Variants in MYO7B observed in about 807,000 individuals in gnomAD.
The protein encoded by MYO7B is myosin VIIB.
Under a neutral mutation model 259.7 loss-of-function variants are expected in MYO7B, and 212 were observed. The ratio of observed to expected loss-of-function variants is 0.82; its 90% CI spans 0.73 to 0.91. MYO7B has a LOEUF of 0.91. Among genes scored for constraint, MYO7B ranks in the 40% least tolerant of loss-of-function variants. MYO7B has a pLI of 0.00. For synonymous variants in MYO7B, 1,197 were observed against 1,166.4 expected (o/e 1.03, Z -0.54); for missense variants, 2,732 against 2,813.5 (o/e 0.97, Z 0.66).
Position 127,584,702 on chromosome 2 carries a change from G to A in MYO7B, c.1555-76G>A. 5 of 1,554,718 alleles carry A rather than the reference G, an allele frequency of 3.2e-6. No individual in the cohort carries two copies. The South Asian group carries it at 4.7e-5, about 15-fold the overall frequency. On this transcript the variant is annotated intron_variant, in intron 13 of 47. Coordinates refer to ENST00000409816, the MANE Select transcript of MYO7B (RefSeq NM_001393586.1). The surrounding 1 kb of genome is among the most constrained non-coding windows in gnomAD (Gnocchi z 5.8). ...TGAGCCCAGATCTCTTTGCCTCCAT[G>A]AGGAAGTCCCTGAGCCTCACCTCCC...
intron 2 of MYO7B, among the ~76,000 whole-genome samples, chr2:127,560,370 C>G: frequency 6.6e-6 from 1 of 152,164 alleles, no homozygotes; most frequent in South Asian, 2.1e-4. Flanking sequence ...GGAGCTCCCC[C>G]AGAGAAAACA....
At chr2:127,623,089 G>A (rs1680917806) in intron 28 of MYO7B, 113 bp from the exon 29 acceptor site, 1 of 1,318,356 alleles carries the variant, frequency 7.6e-7, no homozygotes, top group Non-Finnish European at 1.0e-6. Flanking sequence ...GGAACCCACG[G>A]GATGGCAAGC....
chr2:127,623,980 G>A, intron 29 of MYO7B, 113 bp from the exon 30 acceptor site: 1 of 984,342 alleles, frequency 1.0e-6, no homozygotes, highest in Non-Finnish European at 1.5e-6. Context: ...AGCCCACGCT[G>A]GGCTCCAAGG....
In MYO7B at chr2:127,581,985, C is replaced by A; in HGVS notation, c.1175C>A (p.Ala392Asp). ...AGGTCCCTGAACATTGCCCAGGCTG[C>A]TGACCGGAGGGACGCCTTTGTCAAG... ...VTRSLNIAQA[A>D]DRRDAFVKGI... Residue 392 changes from alanine to aspartate, a missense_variant, in exon 11 of 48, where the codon GCT becomes GAT. Ala to Asp is a moderately radical substitution (Grantham distance 126). Around this residue, in one of 3 missense-constraint regions of MYO7B, gnomAD observed 1,906 missense variants for 2,026.4 expected, o/e 0.94. Transcript: ENST00000409816. The A allele has an allele frequency of 6.2e-7, 1 of 1,613,918 alleles. No homozygotes were observed. The highest frequency in any genetic ancestry group is 8.5e-7 in the Non-Finnish European group (1 of 1,179,878).
chr2:127,634,118 C>A, intron 40 of MYO7B, 58 bp from the exon 41 acceptor site: 2 of 1,374,562 alleles, frequency 1.5e-6, no homozygotes, highest in Non-Finnish European at 1.0e-6. Flanking sequence ...AAGGCTCATC[C>A]TGGGCTGTAC....
rs552813405 is a variant in MYO7B, at chr2:127,576,248, C to A, written c.736-347C>A. 2.0e-5 allele frequency among the ~76,000 whole-genome samples: 3 copies of A among 152,138 alleles called. No homozygotes were observed. Among genetic ancestry groups the A allele is most frequent in the African/African-American group, 7.2e-5 (3 of 41,500 alleles). On this transcript the variant is annotated intron_variant, in intron 7 of 47. Transcript: ENST00000409816. The surrounding 1 kb of genome is among the most constrained non-coding windows in gnomAD (Gnocchi z 4.9). ...CTAGGGAGCCCCGTGGCTGTCAGAT[C>A]TCTCGTGGGCCACTAAGTGCCTGTG...
Position 127,546,871 on chromosome 2 carries a change from A to T in MYO7B, c.-24+11040A>T, listed in dbSNP as rs1245796479. On this transcript the variant is annotated intron_variant, in intron 1 of 47. Coordinates refer to ENST00000409816, the MANE Select transcript of MYO7B (RefSeq NM_001393586.1). This position sits in a 1 kb window ranked among gnomAD's most constrained non-coding sequence, Gnocchi z 4.2. Reference sequence around the variant, plus strand: ...ATCTATCCACCCATTCACTTACCCAATCCAACCATTAATCCATCCACCATC... The same window carrying T: ...ATCTATCCACCCATTCACTTACCCATTCCAACCATTAATCCATCCACCATC... Among the ~76,000 whole-genome samples, 1 of 151,010 alleles carries T rather than the reference A, an allele frequency of 6.6e-6. No individual in the cohort carries two copies. Among genetic ancestry groups the T allele is most frequent in the East Asian group, 1.9e-4 (1 of 5,132 alleles).
chr2:127,612,767 C>G (rs780755116), intron 26 of MYO7B, among the ~76,000 whole-genome samples, 164 bp downstream of exon 26: 2 of 152,186 alleles, frequency 1.3e-5, no homozygotes, highest in African/African-American at 2.4e-5. Flanking sequence ...CGAGGGTTCT[C>G]TATGTGCTCT....
rs1235821199 is a variant in MYO7B at position 127,562,185 on chromosome 2, G to A, written c.19-1968G>A. Among the ~76,000 whole-genome samples, 6 of 152,136 alleles carry A rather than the reference G, an allele frequency of 3.9e-5. No individual in the cohort carries two copies. In the South Asian group the frequency reaches 1.2e-3, roughly 32 times the overall value. ...CAAATATGGTCATGTCAGGAATTGG[G>A]GCTTCACTATATGAATTCTGGAGGG... On this transcript the variant is annotated intron_variant, in intron 2 of 47. Transcript: ENST00000409816.
In MYO7B at chr2:127,609,427, G is replaced by T; in HGVS notation, c.2815-79G>T. ...TAATGCAACAGCCCCCGTGCTGCCC[G>T]GCCTGCTGGACAGTCAGCTGATGGG... is the stretch of plus-strand genomic sequence containing the variant. On this transcript the variant is annotated intron_variant, in intron 22 of 47. Coordinates refer to ENST00000409816, the MANE Select transcript of MYO7B (RefSeq NM_001393586.1). The surrounding 1 kb of genome is among the most constrained non-coding windows in gnomAD (Gnocchi z 6.9). The T allele has an allele frequency of 4.4e-6, 6 of 1,352,560 alleles. No individual in the cohort carries two copies. Among genetic ancestry groups the T allele is most frequent in the Non-Finnish European group, 6.2e-6 (6 of 970,414 alleles). The allele number at this position is 1,352,560 out of a possible 1,614,324, so 83.8% of individuals were successfully genotyped here. A position where few individuals can be genotyped will look rare whatever the true frequency, so the allele number is the denominator to read the frequency against.
rs376727312 is a variant in MYO7B, at chr2:127,627,035, G to A, written c.4276G>A (p.Ala1426Thr). The change falls in exon 32 of 48, where the codon GCC (alanine) becomes ACC (threonine). Residue 1426 changes from alanine to threonine, a missense_variant. Physicochemically the swap from Ala to Thr is moderately conservative, Grantham distance 58. Coordinates refer to ENST00000409816, the MANE Select transcript of MYO7B (RefSeq NM_001393586.1). This position sits in a 1 kb window ranked among gnomAD's most constrained non-coding sequence, Gnocchi z 5.6. ...LAVREQVVDA[A>T]RLQWPLLFSR... ...CGTGCGAGAGCAGGTGGTGGACGCC[G>A]CCCGCCTGCAGTGGCCGCTGCTCTT... 2.3e-5 allele frequency: 37 copies of A among 1,610,020 alleles called. 1 individual carries two copies. The highest frequency in any genetic ancestry group is 2.1e-4 in the African/African-American group (16 of 74,880).
rs932278472 is a variant in MYO7B at position 127,609,273 on chromosome 2, G to A, written c.2815-233G>A. On this transcript the variant is annotated intron_variant, in intron 22 of 47. Coordinates refer to ENST00000409816, the MANE Select transcript of MYO7B (RefSeq NM_001393586.1). This position sits in a 1 kb window ranked among gnomAD's most constrained non-coding sequence, Gnocchi z 6.9. ...ACACAGTGTCTGAGCGTGGGGCCAG[G>A]AGGGGAGAGGGCAGGAGCCCTGCCC... 6.6e-6 allele frequency among the ~76,000 whole-genome samples: 1 copy of A among 152,282 alleles called. No homozygotes were observed. The highest frequency in any genetic ancestry group is 2.4e-5 in the African/African-American group (1 of 41,582).
At chr2:127,631,916 G>A (rs573500105) in intron 38 of MYO7B, among the ~76,000 whole-genome samples, 163 bp downstream of exon 38, 1 of 152,352 alleles carries the variant, frequency 6.6e-6, no homozygotes, top group South Asian at 2.1e-4. Flanking sequence ...GGTCTGCTCT[G>A]CTGATGTCCT....
intron 9 of MYO7B, among the ~76,000 whole-genome samples, chr2:127,580,206 C>A (rs7604196): frequency 0.015 from 2,256 of 152,268 alleles, 56 homozygotes; most frequent in African/African-American, 0.051. Flanking sequence ...AAGGTCCCGT[C>A]CCCCACCAGC....
At chr2:127,625,345 C>G in intron 30 of MYO7B, 23 bp from the exon 31 acceptor site, 1 of 1,501,696 alleles carries the variant, frequency 6.7e-7, no homozygotes, top group Non-Finnish European at 8.9e-7. Flanking sequence ...CACTCGCCCC[C>G]GTGGGTGCCC....
At chr2:127,579,308 G>A (rs1015032773) in intron 9 of MYO7B, among the ~76,000 whole-genome samples, 1 of 152,210 alleles carries the variant, frequency 6.6e-6, no homozygotes. Flanking sequence ...GGAAGGGATA[G>A]ACTTTTCATA....
At chr2:127,538,287 C>T (rs1692869374) in intron 1 of MYO7B, among the ~76,000 whole-genome samples, 1 of 152,142 alleles carries the variant, frequency 6.6e-6, no homozygotes, top group African/African-American at 2.4e-5. Flanking sequence ...GTAAGATATG[C>T]TCTAGAACGT....
chr2:127,616,077 T>A (rs1680562073), intron 26 of MYO7B, among the ~76,000 whole-genome samples: 1 of 152,072 alleles, frequency 6.6e-6, no homozygotes, highest in Non-Finnish European at 1.5e-5. Flanking sequence ...TGCTGAAGCA[T>A]CCGCTCCACA....
In MYO7B at chr2:127,609,063, G is replaced by A. The variant is rs1680274076; in HGVS notation, c.2814+185G>A. Among the ~76,000 whole-genome samples, 1 of 152,164 alleles carries A rather than the reference G, an allele frequency of 6.6e-6. No individual in the cohort carries two copies. The highest frequency in any genetic ancestry group is 1.5e-5 in the Non-Finnish European group (1 of 68,018). ...TGGGTTCTGTGGTCAAAGCCTTCGA[G>A]TCAGGCAGGCTTCCCACCTGCAAGA... On this transcript the variant is annotated intron_variant, in intron 22 of 47. Coordinates refer to ENST00000409816, the MANE Select transcript of MYO7B (RefSeq NM_001393586.1). The surrounding 1 kb of genome is among the most constrained non-coding windows in gnomAD (Gnocchi z 6.9).
Sources: gnomAD v4.1 joint callset for allele counts (sites outside exome capture counted in the v4.1 genomes callset) on GRCh38, gnomAD v4.1.1 for gene constraint, gnomAD v4.1.1 regional missense constraint, Gnocchi (gnomAD v3.1) non-coding constraint, MANE v1.5 for transcripts, NCBI Gene and HGNC (gene_info 2026-07-23, HGNC 2026-07-21) for gene names.